SPTBN1: variants seen among roughly 807,000 people sequenced by gnomAD.
The protein encoded by SPTBN1 is spectrin beta chain, non-erythrocytic 1.
SPTBN1 carries 32 observed loss-of-function variants against 266.4 expected under a neutral mutation model. The observed-to-expected ratio is 0.12, with a 90% confidence interval of 0.09 to 0.16. The LOEUF (loss-of-function observed/expected upper bound fraction) is 0.16, where lower values mean the gene tolerates loss of function less well. Ranked by LOEUF, SPTBN1 falls within the 10% of genes least tolerant of loss-of-function variation. The pLI is 1.00. For synonymous variants in SPTBN1, 1,336 were observed against 1,162.2 expected, an observed-to-expected ratio of 1.15 and a Z score of -3.04; for missense variants, 2,296 against 3,067.1, an observed-to-expected ratio of 0.75 and a Z score of 5.94.
chr2:54,471,800 A>ATTTTTGTTTGTTTTTTTTTTT (rs1693933946), intron 1 of SPTBN1, among the ~76,000 whole-genome samples: 1 of 102,718 alleles, frequency 9.7e-6, no homozygotes, highest in Admixed American at 1.1e-4. Context: ...TTTTTTATCG[A>ATTTTTGTTTGTTTTTTTTTTT]TTTTTTTTTT....
intron 2 of SPTBN1, among the ~76,000 whole-genome samples, chr2:54,592,576 G>A (rs1346270764): frequency 1.3e-5 from 2 of 152,044 alleles, no homozygotes; most frequent in Non-Finnish European, 2.9e-5. Context: ...TAGAGATGGG[G>A]GTTTCTCCAT....
chr2:54,505,908 A>T (rs953055959), intron 1 of SPTBN1, among the ~76,000 whole-genome samples: 1 of 151,840 alleles, frequency 6.6e-6, no homozygotes, highest in Non-Finnish European at 1.5e-5. Flanking sequence ...GCGGATCTCG[A>T]GGTCAGGAGA....
At position 54,632,727 on chromosome 2, in the gene SPTBN1, C is replaced by T. The variant is rs778725167; in HGVS notation, c.3726C>T (p.Asn1242=). ...GRRLVSDGNI[N]SDRIQEKVDS... ...GGCTGGTGAGCGATGGGAACATCAA[C>T]TCAGATCGCATCCAGGAGAAGGTGG... Residue 1242 remains asparagine, a synonymous_variant, in exon 17 of 36, where the codon AAC becomes AAT. Coordinates refer to ENST00000356805, the MANE Select transcript of SPTBN1 (RefSeq NM_003128.3). 2 of 1,614,220 alleles carry T rather than the reference C, an allele frequency of 1.2e-6. No homozygotes were observed. Among genetic ancestry groups the T allele is most frequent in the Non-Finnish European group, 1.7e-6 (2 of 1,180,052 alleles).
chr2:54,605,022 G>A (rs570676580), intron 3 of SPTBN1, among the ~76,000 whole-genome samples: 3 of 152,124 alleles, frequency 2.0e-5, no homozygotes, highest in East Asian at 1.9e-4. Context: ...GAAGCATGCC[G>A]CACTAGGGAA....
chr2:54,649,974 G>C lies in SPTBN1; in HGVS notation c.5562G>C (p.Gln1854His), dbSNP rs753540814. ...RMHTTFEHDI[Q>H]ALGTQVRQLQ... is the part of the protein sequence containing the mutation. ...ACACTACATTTGAGCATGACATCCA[G>C]GCTCTGGGCACACAGGTGGGTATGG... Residue 1854 changes from glutamine (Q) to histidine (H), a missense_variant, in exon 26 of 36, where the codon CAG (glutamine) becomes CAC (histidine). Gln to His is a conservative substitution (Grantham distance 24). This residue lies in a region of SPTBN1 where 644 missense variants were observed against 745.3 expected (regional missense o/e 0.86). Coordinates refer to ENST00000356805, the MANE Select transcript of SPTBN1 (RefSeq NM_003128.3). The surrounding 1 kb of genome is among the most constrained non-coding windows in gnomAD (Gnocchi z 6.7). 2 of 1,608,752 alleles carry C rather than the reference G, an allele frequency of 1.2e-6. No individual in the cohort carries two copies. Among genetic ancestry groups the C allele is most frequent in the South Asian group, 2.2e-5 (2 of 90,986 alleles).
intron 2 of SPTBN1, among the ~76,000 whole-genome samples, chr2:54,579,480 G>A (rs1161221543): frequency 1.3e-5 from 2 of 152,150 alleles, no homozygotes; most frequent in Non-Finnish European, 2.9e-5. Context: ...CCCAATGAGG[G>A]GTAGTTCGTC....
At chr2:54,636,983 G>C (rs908642753) in intron 17 of SPTBN1, among the ~76,000 whole-genome samples, 1 of 152,210 alleles carries the variant, frequency 6.6e-6, no homozygotes, top group Non-Finnish European at 1.5e-5. Context: ...TAAGCCACTG[G>C]GTGCATGAAG....
At position 54,664,601 on chromosome 2, in the gene SPTBN1, C is replaced by G; in HGVS notation, c.6569C>G (p.Ala2190Gly). The G allele has an allele frequency of 6.2e-7, 1 of 1,614,174 alleles. No homozygotes were observed. The highest frequency in any genetic ancestry group is 2.2e-5 in the East Asian group (1 of 44,876). The change falls in exon 33 of 36, where the codon GCC becomes GGC. Residue 2190 changes from alanine (A) to glycine (G), a missense_variant. Physicochemically the swap from Ala to Gly is moderately conservative, Grantham distance 60. This residue lies in a region of SPTBN1 where 347 missense variants were observed against 368.5 expected (regional missense o/e 0.94). Coordinates refer to ENST00000356805, the MANE Select transcript of SPTBN1 (RefSeq NM_003128.3). The surrounding 1 kb of genome is among the most constrained non-coding windows in gnomAD (Gnocchi z 5.6). ...LPAQSAATLP[A>G]RTQETPSAQM... ...GCCCAGAGTGCCGCCACCTTACCAG[C>G]CAGAACCCAGGAGACACCTTCGGCC...
chr2:54,564,638 C>G (rs1673549343), intron 2 of SPTBN1, among the ~76,000 whole-genome samples: 1 of 152,158 alleles, frequency 6.6e-6, no homozygotes, highest in Non-Finnish European at 1.5e-5. Flanking sequence ...GACACCCTGC[C>G]CTCTTGGTTT....
intron 2 of SPTBN1, among the ~76,000 whole-genome samples, chr2:54,594,851 T>TTTG: frequency 6.9e-6 from 1 of 144,870 alleles, no homozygotes; most frequent in Admixed American, 6.7e-5. Context: ...TTTTTTTTTT[T>TTTG]GAGACAGAGT....
At chr2:54,494,348 C>T (rs1377104713) in intron 1 of SPTBN1, among the ~76,000 whole-genome samples, 3 of 152,040 alleles carry the variant, frequency 2.0e-5, no homozygotes, top group Non-Finnish European at 4.4e-5. Flanking sequence ...ACAGTATGAC[C>T]TGTGATATTA....
intron 1 of SPTBN1, among the ~76,000 whole-genome samples, chr2:54,518,536 T>C (rs1244935072): frequency 6.6e-6 from 1 of 151,902 alleles, no homozygotes; most frequent in East Asian, 1.9e-4. Flanking sequence ...GAAGCAAAAT[T>C]CTCAGACACA....
In SPTBN1 at chr2:54,624,793, C is replaced by A; in HGVS notation, c.1183-11C>A. The A allele has an allele frequency of 6.2e-7, 1 of 1,613,936 alleles. No homozygotes were observed. Among genetic ancestry groups the A allele is most frequent in the Non-Finnish European group, 8.5e-7 (1 of 1,179,968 alleles). On this transcript the variant is annotated splice_polypyrimidine_tract_variant and intron_variant, in intron 10 of 35. Transcript: ENST00000356805. ...CTGTGTTTGTGTGTGTGTGTATTTTCATTTTTGTAGGCCTGGGAAAGACTG... is the reference window on the plus strand; with the variant it reads ...CTGTGTTTGTGTGTGTGTGTATTTTAATTTTTGTAGGCCTGGGAAAGACTG...
rs66814543 is a variant in SPTBN1, at chr2:54,494,917, TAAA to T, written c.-47-31444_-47-31442del. Among the ~76,000 whole-genome samples the T allele has an allele frequency of 7.4e-3, 1,038 of 139,858 alleles. 16 individuals are homozygous for T. Among genetic ancestry groups the T allele is most frequent in the African/African-American group, 0.028 (997 of 36,096 alleles). 91.8% of individuals were successfully genotyped at this position (139,858 alleles called of 152,430 possible). ...ATACCTGAATAAAGCTGTTTTTTTT[TAAA>T]AAAAAAAAAATGTCCTGAAAAAAGT... On this transcript the variant is annotated intron_variant, in intron 1 of 35. Coordinates refer to ENST00000356805, the MANE Select transcript of SPTBN1 (RefSeq NM_003128.3).
intron 2 of SPTBN1, among the ~76,000 whole-genome samples, chr2:54,529,134 G>C (rs1671033277): frequency 6.6e-6 from 1 of 152,198 alleles, no homozygotes; most frequent in South Asian, 2.1e-4. Flanking sequence ...AGTAGGCCTT[G>C]AGTGGGGATA....
At chr2:54,658,251 T>C (rs1357987106) in intron 30 of SPTBN1, among the ~76,000 whole-genome samples, 1 of 152,210 alleles carries the variant, frequency 6.6e-6, no homozygotes, top group East Asian at 1.9e-4. Context: ...AGTCACATCC[T>C]GGGCACCTGG....
At chr2:54,603,701 T>C (rs908022482) in intron 3 of SPTBN1, among the ~76,000 whole-genome samples, 1 of 152,230 alleles carries the variant, frequency 6.6e-6, no homozygotes, top group African/African-American at 2.4e-5. Context: ...GTTTGGGGAC[T>C]AGTGTGAAGT....
In SPTBN1 at chr2:54,628,254, A is replaced by G. The variant is rs1276586414; in HGVS notation, c.1798+4A>G. On this transcript the variant is annotated splice_donor_region_variant and intron_variant, in intron 13 of 35. Coordinates refer to ENST00000356805, the MANE Select transcript of SPTBN1 (RefSeq NM_003128.3). The surrounding 1 kb of genome is among the most constrained non-coding windows in gnomAD (Gnocchi z 4.3). ...AAGTTCGCAACAGACGGGGAAGGTA[A>G]GGATGGCCCATTCCAAGCATTACCT... 6.2e-7 allele frequency: 1 copy of G among 1,609,276 alleles called. No individual in the cohort carries two copies. The highest frequency in any genetic ancestry group is 1.3e-5 in the African/African-American group (1 of 74,806).
rs374335221 is a variant in SPTBN1, at chr2:54,668,501, G to T, written c.7027G>T (p.Gly2343Cys). ...VVTITSESSPGKREKDKEKDK... is the reference protein window; with the variant it reads ...VVTITSESSPCKREKDKEKDK... The stretch of plus-strand genomic sequence containing the variant: ...CACCATCACCAGCGAGTCCAGTCCC[G>T]GCAAGCGGGAAAAGGACAAAGAGAA... The change falls in exon 36 of 36, where the codon GGC becomes TGC. Residue 2343 changes from glycine to cysteine, a missense_variant. Physicochemically the swap from Gly to Cys is radical, Grantham distance 159. Coordinates refer to ENST00000356805, the MANE Select transcript of SPTBN1 (RefSeq NM_003128.3). 2 of 1,614,106 alleles carry T rather than the reference G, an allele frequency of 1.2e-6. No individual in the cohort carries two copies. Among genetic ancestry groups the T allele is most frequent in the East Asian group, 2.2e-5 (1 of 44,872 alleles).
Sources: gnomAD v4.1 joint callset for allele counts (sites outside exome capture counted in the v4.1 genomes callset) on GRCh38, gnomAD v4.1.1 for gene constraint, gnomAD v4.1.1 regional missense constraint, Gnocchi (gnomAD v3.1) non-coding constraint, MANE v1.5 for transcripts, NCBI Gene and HGNC (gene_info 2026-07-23, HGNC 2026-07-21) for gene names.